LAMA3: variants seen among roughly 807,000 people sequenced by gnomAD.
LAMA3 encodes the protein laminin subunit alpha-3.
Under a neutral mutation model 402.0 loss-of-function variants are expected in LAMA3, and 281 were observed. That is an observed-to-expected ratio of 0.70 (90% confidence interval 0.63 to 0.77). The LOEUF (loss-of-function observed/expected upper bound fraction) is 0.77. Ranked by LOEUF, LAMA3 falls within the 30% of genes least tolerant of loss-of-function variation. The pLI is 0.00. For synonymous variants in LAMA3, 1,431 were observed against 1,558.4 expected, an observed-to-expected ratio of 0.92 and a Z score of 1.93; for missense variants, 3,840 against 4,215.5, an observed-to-expected ratio of 0.91 and a Z score of 2.47.
intron 17 of LAMA3, among the ~76,000 whole-genome samples, chr18:23,815,831 T>G (rs2063165335): frequency 6.6e-6 from 1 of 152,170 alleles, no homozygotes; most frequent in Admixed American, 6.5e-5. Context: ...AGGGCATCTG[T>G]TAGTTTTATA....
intron 32 of LAMA3, among the ~76,000 whole-genome samples, chr18:23,855,025 A>G (rs1274241346): frequency 1.3e-5 from 2 of 152,112 alleles, no homozygotes; most frequent in Non-Finnish European, 2.9e-5. Context: ...AAAAAAATAA[A>G]CCACACACAC....
rs746646266 is a variant in LAMA3, at chr18:23,881,998, C to T, written c.5175C>T (p.Asn1725=). The T allele has an allele frequency of 1.2e-5, 19 of 1,614,022 alleles. No homozygotes were observed. Among genetic ancestry groups the T allele is most frequent in the Admixed American group, 3.3e-5 (2 of 60,020 alleles). The part of the protein sequence containing the change: ...CERCQEGYYG[N]AVHGSCRACP... ...GCTGCCAGGAGGGCTACTATGGCAA[C>T]GCCGTCCACGGATCCTGCAGGGCCT... Residue 1725 remains asparagine, a synonymous_variant, in exon 40 of 75, where the codon AAC becomes AAT. Transcript: ENST00000313654.
intron 9 of LAMA3, among the ~76,000 whole-genome samples, chr18:23,773,981 G>T (rs916280725): frequency 6.6e-6 from 1 of 152,152 alleles, no homozygotes; most frequent in African/African-American, 2.4e-5. Flanking sequence ...AGGACTTTGG[G>T]AGGCTGAGGC....
chr18:23,822,339 G>C lies in LAMA3; in HGVS notation c.2392G>C (p.Ala798Pro), dbSNP rs769007481. 6.2e-7 allele frequency: 1 copy of C among 1,613,840 alleles called. No homozygotes were observed. The highest frequency in any genetic ancestry group is 8.5e-7 in the Non-Finnish European group (1 of 1,179,826). Residue 798 changes from alanine to proline, a missense_variant, in exon 20 of 75, where the codon GCA becomes CCA. Ala to Pro is a conservative substitution (Grantham distance 27). Coordinates refer to ENST00000313654, the MANE Select transcript of LAMA3 (RefSeq NM_198129.4). Reference sequence around the variant, plus strand: ...GAGATACGTTAACCCTGGAACTGAAGCAGTATCTGGCCATATAACTATTTA... The same window carrying C: ...GAGATACGTTAACCCTGGAACTGAACCAGTATCTGGCCATATAACTATTTA... ...ILRYVNPGTEAVSGHITIYPS... is the reference protein window; with the variant it reads ...ILRYVNPGTEPVSGHITIYPS...
At chr18:23,777,450 C>T in intron 10 of LAMA3, 107 bp from the exon 11 acceptor site, 1 of 807,386 alleles carries the variant, frequency 1.2e-6, no homozygotes, top group East Asian at 2.5e-5. Context: ...CTATATGCTA[C>T]TTTTCACTAA....
chr18:23,885,776 G>A (rs1305618421), intron 41 of LAMA3, among the ~76,000 whole-genome samples: 3 of 151,800 alleles, frequency 2.0e-5, no homozygotes, highest in Admixed American at 6.6e-5. Flanking sequence ...AAAAACAAAC[G>A]AGCAGAGAAC....
chr18:23,803,452 A>G (rs2062902839), intron 12 of LAMA3, among the ~76,000 whole-genome samples: 1 of 152,196 alleles, frequency 6.6e-6, no homozygotes, highest in South Asian at 2.1e-4. Flanking sequence ...GCTGCCGGGT[A>G]TCCACAGAAC....
At chr18:23,934,931 C>A (rs1317699786) in intron 67 of LAMA3, among the ~76,000 whole-genome samples, 2 of 152,220 alleles carry the variant, frequency 1.3e-5, no homozygotes, top group East Asian at 3.8e-4. Context: ...TAATAAAATA[C>A]ATGTTTTATG....
At chr18:23,812,037 C>A (rs537682455) in intron 13 of LAMA3, among the ~76,000 whole-genome samples, 1 of 151,938 alleles carries the variant, frequency 6.6e-6, no homozygotes, top group East Asian at 2.0e-4. Context: ...CCATGCCTAG[C>A]TAATTTTTTG....
intron 23 of LAMA3, among the ~76,000 whole-genome samples, chr18:23,828,570 A>C (rs1258915843): frequency 6.6e-6 from 1 of 152,096 alleles, no homozygotes; most frequent in East Asian, 1.9e-4. Flanking sequence ...GTACATATAC[A>C]GGTATATGTA....
Position 23,847,612 on chromosome 18 carries a change from G to A in LAMA3, c.4080G>A (p.Arg1360=). The change falls in exon 32 of 75, where the codon AGG becomes AGA. Residue 1360 remains arginine, a synonymous_variant. Coordinates refer to ENST00000313654, the MANE Select transcript of LAMA3 (RefSeq NM_198129.4). ...MAGCEGCNCS[R]RGTIEAAMPE... is the part of the protein sequence containing the mutation. ...GCTGCGAAGGCTGCAACTGTTCCAGGAGGGGCACCATCGAGGCTGCCATGC... is the reference window on the plus strand; with the variant it reads ...GCTGCGAAGGCTGCAACTGTTCCAGAAGGGGCACCATCGAGGCTGCCATGC... 6.2e-7 allele frequency: 1 copy of A among 1,614,110 alleles called. No individual in the cohort carries two copies. Among genetic ancestry groups the A allele is most frequent in the Non-Finnish European group, 8.5e-7 (1 of 1,180,044 alleles).
At chr18:23,818,468 C>A (rs1351711139) in intron 18 of LAMA3, among the ~76,000 whole-genome samples, 2 of 152,198 alleles carry the variant, frequency 1.3e-5, no homozygotes, top group African/African-American at 2.4e-5. Flanking sequence ...TGCCGGAGCA[C>A]CTTGTCTCCA....
intron 38 of LAMA3, among the ~76,000 whole-genome samples, chr18:23,872,054 C>CA (rs1459183777): frequency 5.9e-5 from 9 of 152,198 alleles, no homozygotes; most frequent in Non-Finnish European, 7.3e-5. Flanking sequence ...GTCACAACAT[C>CA]ACTATGGACT....
At chr18:23,923,206 C>T (rs767647407) in intron 62 of LAMA3, among the ~76,000 whole-genome samples, 17 of 152,166 alleles carry the variant, frequency 1.1e-4, no homozygotes, top group Non-Finnish European at 1.9e-4. Context: ...TTGAAAGTCA[C>T]AGTAAGGAGC....
chr18:23,911,143 A>C (rs1486101203), intron 55 of LAMA3, among the ~76,000 whole-genome samples: 1 of 137,156 alleles, frequency 7.3e-6, no homozygotes, highest in African/African-American at 3.0e-5. Context: ...GACAAAAAGC[A>C]GGAGAGAATG....
intron 11 of LAMA3, among the ~76,000 whole-genome samples, chr18:23,783,376 T>C (rs1448172090): frequency 6.6e-6 from 1 of 151,894 alleles, no homozygotes; most frequent in African/African-American, 2.4e-5. Flanking sequence ...GGGCCATTTA[T>C]ACAGACTGGT....
chr18:23,877,391 A>G (rs1410496698), intron 39 of LAMA3, among the ~76,000 whole-genome samples: 1 of 152,184 alleles, frequency 6.6e-6, no homozygotes, highest in East Asian at 1.9e-4. Context: ...TTGTTTCATT[A>G]GAGTTCTTCT....
chr18:23,717,719 AATTTTTTTTTTTTTTTTT>A (rs376493493), intron 2 of LAMA3, among the ~76,000 whole-genome samples: 68,552 of 116,806 alleles, frequency 0.59, 19,543 homozygotes, highest in Middle Eastern at 0.7. Context: ...TGCCTGGCTA[AATTTTTTTTTTTTTTTTT>A]TTTTTTTTTT....
At chr18:23,697,867 A>G (rs2060712427) in intron 1 of LAMA3, among the ~76,000 whole-genome samples, 1 of 152,044 alleles carries the variant, frequency 6.6e-6, no homozygotes, top group Non-Finnish European at 1.5e-5. Context: ...CTGGAGGCTT[A>G]GAAGTCTAAG....
Sources: gnomAD v4.1 joint callset for allele counts (sites outside exome capture counted in the v4.1 genomes callset) on GRCh38, gnomAD v4.1.1 for gene constraint, MANE v1.5 for transcripts, NCBI Gene and HGNC (gene_info 2026-07-23, HGNC 2026-07-21) for gene names.